RBKS: variants seen among roughly 807,000 people sequenced by gnomAD.
RBKS encodes ribokinase.
RBKS carries 33 observed loss-of-function variants against 33.9 expected under a neutral mutation model. The ratio of observed to expected loss-of-function variants is 0.97; its 90% CI spans 0.74 to 1.30. RBKS has a LOEUF of 1.30. RBKS is among the 50% of genes most tolerant of loss of function. The pLI is 0.00. For synonymous variants in RBKS, 125 were observed against 143.0 expected, an observed-to-expected ratio of 0.87 and a Z score of 0.90; for missense variants, 361 against 392.6, an observed-to-expected ratio of 0.92 and a Z score of 0.68.
chr2:27,796,223 T>A (rs908877738), intron 7 of RBKS, among the ~76,000 whole-genome samples: 2 of 137,230 alleles, frequency 1.5e-5, no homozygotes, highest in African/African-American at 2.8e-5. Context: ...TACACTGGTA[T>A]GATTTTTTTT....
At chr2:27,792,834 C>T (rs970835934) in intron 7 of RBKS, among the ~76,000 whole-genome samples, 2 of 152,122 alleles carry the variant, frequency 1.3e-5, no homozygotes, top group African/African-American at 4.8e-5. Flanking sequence ...TCTTTAAGGC[C>T]CTGCTCCTTT....
At chr2:27,827,969 T>C (rs940950348) in intron 6 of RBKS, among the ~76,000 whole-genome samples, 1 of 152,146 alleles carries the variant, frequency 6.6e-6, no homozygotes, top group Admixed American at 6.6e-5. Flanking sequence ...CTGGGGAAAT[T>C]TGAATGTGGC....
chr2:27,848,112 T>G lies in RBKS; in HGVS notation c.223-15A>C. The G allele has an allele frequency of 7.3e-7, 1 of 1,371,370 alleles. No individual in the cohort carries two copies. Among genetic ancestry groups the G allele is most frequent in the Non-Finnish European group, 1.0e-6 (1 of 976,614 alleles). 85.0% of individuals were successfully genotyped at this position (1,371,370 alleles called of 1,614,324 possible). ...TCTTTGCCAACCTGTACCAAAGAAATAATGAATATTAGATCTTTTAGAGTT... is the reference window on the plus strand; with the variant it reads ...TCTTTGCCAACCTGTACCAAAGAAAGAATGAATATTAGATCTTTTAGAGTT... On this transcript the variant is annotated splice_polypyrimidine_tract_variant and intron_variant, in intron 2 of 7. Coordinates refer to ENST00000302188, the MANE Select transcript of RBKS (RefSeq NM_022128.3).
intron 1 of RBKS, chr2:27,869,905 G>T (rs1270661358): frequency 1.3e-5 from 2 of 152,412 alleles, no homozygotes; most frequent in African/African-American, 2.4e-5. Context: ...GGCAGTCTCT[G>T]GATATTATGC....
intron 7 of RBKS, among the ~76,000 whole-genome samples, chr2:27,789,974 T>C (rs1292110203): frequency 2.2e-5 from 3 of 138,054 alleles, no homozygotes; most frequent in African/African-American, 8.5e-5. Flanking sequence ...TATATATATG[T>C]ATATATATAT....
At chr2:27,847,900 G>C (rs545724061) in intron 3 of RBKS, 134 bp downstream of exon 3, 13 of 641,174 alleles carry the variant, frequency 2.0e-5, no homozygotes, top group South Asian at 1.6e-4. Flanking sequence ...AGCAAGAATG[G>C]ACAAAGCTGT....
At chr2:27,805,716 A>T (rs941037943) in intron 7 of RBKS, among the ~76,000 whole-genome samples, 1 of 151,772 alleles carries the variant, frequency 6.6e-6, no homozygotes, top group Non-Finnish European at 1.5e-5. Context: ...CTGGGATTAC[A>T]AGCGTGCACC....
intron 7 of RBKS, among the ~76,000 whole-genome samples, chr2:27,791,653 AT>A (rs1282949594): frequency 2.5e-3 from 123 of 49,132 alleles, no homozygotes; most frequent in African/African-American, 5.7e-3. Flanking sequence ...CTAAATATAC[AT>A]ATACATATAC....
chr2:27,881,814 G>A (rs1462081412), intron 1 of RBKS, among the ~76,000 whole-genome samples: 1 of 152,062 alleles, frequency 6.6e-6, no homozygotes, highest in East Asian at 1.9e-4. Context: ...AACAAGCAAT[G>A]GAGAAAGGAC....
At chr2:27,852,053 G>T (rs1384481842) in intron 2 of RBKS, among the ~76,000 whole-genome samples, 1 of 152,164 alleles carries the variant, frequency 6.6e-6, no homozygotes, top group Non-Finnish European at 1.5e-5. Flanking sequence ...AGGAAGCCAG[G>T]TCAAGAGCAA....
intron 1 of RBKS, among the ~76,000 whole-genome samples, chr2:27,866,682 A>AT (rs922432639): frequency 2.0e-5 from 3 of 151,898 alleles, no homozygotes; most frequent in Admixed American, 6.6e-5. Flanking sequence ...CATCCAGTGG[A>AT]TTTTTTATTT....
chr2:27,784,770 G>A (rs1677367840), intron 7 of RBKS, among the ~76,000 whole-genome samples: 1 of 152,156 alleles, frequency 6.6e-6, no homozygotes, highest in Non-Finnish European at 1.5e-5. Flanking sequence ...CGGTGTGAAT[G>A]CAACTTTCAT....
chr2:27,795,121 G>A lies in RBKS; in HGVS notation c.796-13333C>T, dbSNP rs919508911. 1.3e-5 allele frequency among the ~76,000 whole-genome samples: 2 copies of A among 152,164 alleles called. No homozygotes were observed. Among genetic ancestry groups the A allele is most frequent in the African/African-American group, 4.8e-5 (2 of 41,434 alleles). The stretch of plus-strand genomic sequence containing the variant: ...ACTCTTACGAGAGGTCGGAAATCTC[G>A]TCCATGTCTTTCCCTGCTGACTCCT... On this transcript the variant is annotated intron_variant, in intron 7 of 7. Transcript: ENST00000302188. This position sits in a 1 kb window ranked among gnomAD's most constrained non-coding sequence, Gnocchi z 4.1.
chr2:27,848,146 G>A (rs1322112558), intron 2 of RBKS, 49 bp from the exon 3 acceptor site: 7 of 1,087,502 alleles, frequency 6.4e-6, no homozygotes, highest in African/African-American at 1.6e-5. Flanking sequence ...TTAGTAAAAT[G>A]CTACAATGTA....
At chr2:27,829,423 C>G (rs1350848079) in intron 6 of RBKS, among the ~76,000 whole-genome samples, 3 of 138,044 alleles carry the variant, frequency 2.2e-5, no homozygotes, top group Admixed American at 7.9e-5. Flanking sequence ...GGCTGAAGTG[C>G]AGTGGGGAGA....
intron 1 of RBKS, among the ~76,000 whole-genome samples, chr2:27,874,838 G>T (rs904883474): frequency 6.6e-6 from 1 of 152,110 alleles, no homozygotes; most frequent in South Asian, 2.1e-4. Context: ...GGGCAACCAG[G>T]GTTGAGAATC....
At chr2:27,855,054 C>T (rs979947788) in intron 2 of RBKS, among the ~76,000 whole-genome samples, 1 of 151,810 alleles carries the variant, frequency 6.6e-6, no homozygotes, top group African/African-American at 2.4e-5. Context: ...TACCCCCCGC[C>T]CCCCCACCAC....
At chr2:27,785,802 T>C (rs543646650) in intron 7 of RBKS, among the ~76,000 whole-genome samples, 2 of 152,212 alleles carry the variant, frequency 1.3e-5, no homozygotes, top group East Asian at 3.9e-4. Context: ...GTAACGCTCT[T>C]TGATTCAACA....
At chr2:27,792,934 G>A (rs982443545) in intron 7 of RBKS, among the ~76,000 whole-genome samples, 1 of 152,056 alleles carries the variant, frequency 6.6e-6, no homozygotes, top group South Asian at 2.1e-4. Flanking sequence ...CCTATAAAAG[G>A]TCAGCATTCT....
Sources: gnomAD v4.1 joint callset for allele counts (sites outside exome capture counted in the v4.1 genomes callset) on GRCh38, gnomAD v4.1.1 for gene constraint, Gnocchi (gnomAD v3.1) non-coding constraint, MANE v1.5 for transcripts, NCBI Gene and HGNC (gene_info 2026-07-23, HGNC 2026-07-21) for gene names.